The following RNF150 variants were observed in gnomAD, a reference collection of about 807,000 sequenced individuals.
The protein encoded by RNF150 is ring finger protein 150.
RNF150 carries 24 observed loss-of-function variants against 39.3 expected under a neutral mutation model. That is an observed-to-expected ratio of 0.61 (90% CI 0.44 to 0.86). The LOEUF is 0.86. Among genes scored for constraint, RNF150 ranks in the 40% least tolerant of loss-of-function variants. RNF150 has a pLI of 0.00. For synonymous variants in RNF150, 255 were observed against 227.3 expected (o/e 1.12, Z -1.10); for missense variants, 502 against 587.8 (o/e 0.85, Z 1.51).
chr4:141,145,317 T>C (rs1268250780), intron 1 of RNF150, among the ~76,000 whole-genome samples: 1 of 152,200 alleles, frequency 6.6e-6, no homozygotes, highest in Non-Finnish European at 1.5e-5. Flanking sequence ...CAAATTGAGT[T>C]AGAAATATTT....
chr4:141,095,488 A>T (rs529531437), intron 1 of RNF150, among the ~76,000 whole-genome samples: 1 of 152,360 alleles, frequency 6.6e-6, no homozygotes, highest in East Asian at 1.9e-4. Flanking sequence ...AAATTGTGGC[A>T]TGTTCATGCA....
In RNF150 at chr4:141,160,396, G is replaced by A. The variant is rs563015266; in HGVS notation, c.-6+52398C>T. Among the ~76,000 whole-genome samples, 4 of 152,252 alleles carry A rather than the reference G, an allele frequency of 2.6e-5. 1 individual carries two copies. In the South Asian group the frequency reaches 8.3e-4, roughly 32 times the overall value. On this transcript the variant is annotated intron_variant, in intron 1 of 7. Coordinates refer to the RNF150 transcript ENST00000420921. ...AAATCTTATCCCAAGCATCATTATT[G>A]TATATTTGTATAAATCTAAATGTAT...
intron 1 of RNF150, among the ~76,000 whole-genome samples, chr4:141,141,791 G>A (rs1727121731): frequency 6.6e-6 from 1 of 152,054 alleles, no homozygotes; most frequent in South Asian, 2.1e-4. Context: ...ACTTCAGCCT[G>A]GCCTGGGCAA....
At chr4:140,917,259 G>C (rs1283751336) in intron 5 of RNF150, among the ~76,000 whole-genome samples, 1 of 151,900 alleles carries the variant, frequency 6.6e-6, no homozygotes, top group Non-Finnish European at 1.5e-5. Flanking sequence ...AATTGGATGA[G>C]TCAAGACCCA....
At chr4:141,044,848 C>T (rs78750017) in intron 1 of RNF150, among the ~76,000 whole-genome samples, 5,032 of 152,200 alleles carry the variant, frequency 0.033, 199 homozygotes, top group East Asian at 0.22. Context: ...AAAACTGTGG[C>T]ACATCTTACT....
At chr4:140,870,340 A>C (rs1464258713) in intron 6 of RNF150, among the ~76,000 whole-genome samples, 1 of 152,230 alleles carries the variant, frequency 6.6e-6, no homozygotes, top group Non-Finnish European at 1.5e-5. Flanking sequence ...TTCAACAAAT[A>C]GTCAAGAAAA....
chr4:141,071,311 G>T (rs865778497), intron 1 of RNF150, among the ~76,000 whole-genome samples: 1 of 151,154 alleles, frequency 6.6e-6, no homozygotes, highest in Admixed American at 6.6e-5. Context: ...GCAGCGCACC[G>T]GCATGGCACA....
chr4:140,987,865 C>T (rs1250011719), intron 1 of RNF150, among the ~76,000 whole-genome samples: 1 of 152,084 alleles, frequency 6.6e-6, no homozygotes, highest in Non-Finnish European at 1.5e-5. Context: ...ATGCATCCAA[C>T]AAAGGCCTAA....
chr4:140,910,358 T>C (rs1730545013), intron 6 of RNF150, among the ~76,000 whole-genome samples: 1 of 152,226 alleles, frequency 6.6e-6, no homozygotes, highest in Non-Finnish European at 1.5e-5. Context: ...AATTTGCATC[T>C]GATTTTCTTA....
chr4:140,937,110 T>C (rs998163669), intron 4 of RNF150, among the ~76,000 whole-genome samples: 1 of 152,118 alleles, frequency 6.6e-6, no homozygotes, highest in Non-Finnish European at 1.5e-5. Flanking sequence ...TCTGAAGGGA[T>C]AAATACAGAA....
intron 4 of RNF150, among the ~76,000 whole-genome samples, chr4:140,926,689 G>T (rs1428117897): frequency 6.6e-6 from 1 of 152,142 alleles, no homozygotes; most frequent in East Asian, 1.9e-4. Context: ...ATTCCCATGT[G>T]CCAATCATTA....
At chr4:141,202,869 T>C (rs1383643063) in intron 1 of RNF150, among the ~76,000 whole-genome samples, 1 of 151,846 alleles carries the variant, frequency 6.6e-6, no homozygotes, top group Non-Finnish European at 1.5e-5. Context: ...TGCATGCAAT[T>C]CCATTAAATG....
chr4:141,098,456 G>A (rs1239271153), intron 1 of RNF150, among the ~76,000 whole-genome samples: 1 of 152,202 alleles, frequency 6.6e-6, no homozygotes, highest in Non-Finnish European at 1.5e-5. Context: ...TGGTGTGGTG[G>A]GTGTTTGCCT....
At chr4:141,141,031 T>C (rs1240059758) in intron 1 of RNF150, among the ~76,000 whole-genome samples, 1 of 152,144 alleles carries the variant, frequency 6.6e-6, no homozygotes, top group Non-Finnish European at 1.5e-5. Flanking sequence ...TTCCTAAATA[T>C]CCACTGAGCC....
At chr4:141,159,733 G>C (rs1727478697) in intron 1 of RNF150, among the ~76,000 whole-genome samples, 2 of 152,064 alleles carry the variant, frequency 1.3e-5, no homozygotes. Flanking sequence ...TGTAAACGCA[G>C]GGTTTCGTCA....
At chr4:141,156,309 C>T (rs1216179583) in intron 1 of RNF150, among the ~76,000 whole-genome samples, 1 of 152,106 alleles carries the variant, frequency 6.6e-6, no homozygotes, top group Non-Finnish European at 1.5e-5. Flanking sequence ...GAGACAGGGT[C>T]TTACTCTGTC....
At chr4:141,073,221 C>G (rs1197189950) in intron 1 of RNF150, among the ~76,000 whole-genome samples, 3 of 152,124 alleles carry the variant, frequency 2.0e-5, no homozygotes, top group African/African-American at 7.2e-5. Context: ...TACAGCCAGT[C>G]TTTCATCAGT....
intron 1 of RNF150, among the ~76,000 whole-genome samples, chr4:141,072,120 C>T (rs1037779185): frequency 2.6e-5 from 4 of 152,218 alleles, no homozygotes; most frequent in Admixed American, 6.5e-5. Flanking sequence ...AACAAACACA[C>T]TGTGAGCAGC....
At chr4:141,167,299 CACAA>C (rs1727622317) in intron 1 of RNF150, among the ~76,000 whole-genome samples, 1 of 118,846 alleles carries the variant, frequency 8.4e-6, no homozygotes, top group African/African-American at 2.8e-5. Flanking sequence ...TAAGAGAGGA[CACAA>C]ACAAGTGGAA....
Sources: gnomAD v4.1 joint callset for allele counts (sites outside exome capture counted in the v4.1 genomes callset) on GRCh38, gnomAD v4.1.1 for gene constraint, MANE v1.5 for transcripts, NCBI Gene and HGNC (gene_info 2026-07-23, HGNC 2026-07-21) for gene names.